ADCY2: variants seen among roughly 807,000 people sequenced by gnomAD.
The protein encoded by ADCY2 is adenylate cyclase type 2.
In ADCY2, 31 loss-of-function variants were observed where a neutral mutation model predicts 125.2. The observed-to-expected ratio is 0.25, with a 90% CI of 0.19 to 0.33. The LOEUF (loss-of-function observed/expected upper bound fraction) is 0.33. ADCY2 is among the 10% of genes least tolerant of loss of function. ADCY2 has a pLI of 1.00. For missense variants in ADCY2, 904 were observed against 1,418.2 expected, an observed-to-expected ratio of 0.64 and a Z score of 5.82; for synonymous variants, 512 against 548.4, an observed-to-expected ratio of 0.93 and a Z score of 0.93.
chr5:7,762,256 G>C (rs539192918), intron 16 of ADCY2, among the ~76,000 whole-genome samples: 3 of 152,232 alleles, frequency 2.0e-5, no homozygotes, highest in African/African-American at 7.2e-5. Context: ...TCATAAAACT[G>C]TAGGAAAGTT....
intron 22 of ADCY2, among the ~76,000 whole-genome samples, chr5:7,811,508 AAAAG>A (rs570326094): frequency 5.2e-4 from 79 of 151,126 alleles, no homozygotes; most frequent in African/African-American, 2.0e-3. Context: ...CTCAAAAAAA[AAAAG>A]AAAAAAAATC....
intron 4 of ADCY2, among the ~76,000 whole-genome samples, chr5:7,629,103 A>G (rs896244382): frequency 3.3e-5 from 5 of 152,266 alleles, no homozygotes; most frequent in Non-Finnish European, 7.3e-5. Context: ...GACCAGCCAG[A>G]AAACAGTTTC....
At chr5:7,451,258 A>T (rs1179694540) in intron 2 of ADCY2, among the ~76,000 whole-genome samples, 1 of 152,256 alleles carries the variant, frequency 6.6e-6, no homozygotes, top group Non-Finnish European at 1.5e-5. Context: ...GATGCCATTA[A>T]GAATATTCAT....
At chr5:7,719,272 T>C (rs747069938) in intron 12 of ADCY2, among the ~76,000 whole-genome samples, 8 of 152,238 alleles carry the variant, frequency 5.3e-5, no homozygotes, top group Non-Finnish European at 1.0e-4. Flanking sequence ...TGCTTAGTGC[T>C]GGTGTAACTG....
At chr5:7,818,301 C>T (rs1745181390) in intron 23 of ADCY2, among the ~76,000 whole-genome samples, 1 of 151,986 alleles carries the variant, frequency 6.6e-6, no homozygotes, top group African/African-American at 2.4e-5. Flanking sequence ...ATGTGTTTCT[C>T]CACTTGTACT....
At chr5:7,790,628 G>T (rs533779717) in intron 20 of ADCY2, among the ~76,000 whole-genome samples, 1 of 152,330 alleles carries the variant, frequency 6.6e-6, no homozygotes, top group Admixed American at 6.5e-5. Context: ...AAACGAAGAA[G>T]TGTCTGAGAC....
intron 17 of ADCY2, among the ~76,000 whole-genome samples, chr5:7,771,669 A>G (rs964897050): frequency 6.6e-6 from 1 of 152,142 alleles, no homozygotes; most frequent in Admixed American, 6.5e-5. Context: ...TTCCTTCCAC[A>G]AGAACAGGAC....
intron 1 of ADCY2, among the ~76,000 whole-genome samples, chr5:7,403,937 T>C (rs1739366305): frequency 1.4e-5 from 2 of 140,452 alleles, no homozygotes; most frequent in African/African-American, 2.6e-5. Context: ...CTTTCAATGC[T>C]ACACACACAC....
chr5:7,744,232 A>G (rs572162868), intron 15 of ADCY2, among the ~76,000 whole-genome samples: 10 of 152,064 alleles, frequency 6.6e-5, no homozygotes, highest in Admixed American at 5.9e-4. Context: ...AGGGTGGGGG[A>G]AAAGGGGAGG....
chr5:7,616,925 G>T (rs996440269), intron 3 of ADCY2, among the ~76,000 whole-genome samples: 2 of 152,110 alleles, frequency 1.3e-5, no homozygotes, highest in African/African-American at 4.8e-5. Flanking sequence ...AGACACCAGG[G>T]TTGTGTGCTC....
intron 2 of ADCY2, among the ~76,000 whole-genome samples, chr5:7,494,658 G>A (rs993359744): frequency 1.3e-5 from 2 of 152,096 alleles, no homozygotes; most frequent in Non-Finnish European, 2.9e-5. Flanking sequence ...TTTAATTAGT[G>A]TTAGTGGTTA....
At chr5:7,587,139 C>T (rs1288758485) in intron 3 of ADCY2, among the ~76,000 whole-genome samples, 1 of 152,106 alleles carries the variant, frequency 6.6e-6, no homozygotes, top group Non-Finnish European at 1.5e-5. Flanking sequence ...TGCCCAGGCC[C>T]GAAGTGCTGA....
chr5:7,552,593 A>C (rs1376593919), intron 3 of ADCY2, among the ~76,000 whole-genome samples: 2 of 152,222 alleles, frequency 1.3e-5, no homozygotes, highest in Admixed American at 6.5e-5. Flanking sequence ...TACTTGTTAA[A>C]ACTGTTCTGT....
At chr5:7,817,368 T>C (rs912064056) in intron 23 of ADCY2, among the ~76,000 whole-genome samples, 1 of 152,108 alleles carries the variant, frequency 6.6e-6, no homozygotes, top group Non-Finnish European at 1.5e-5. Flanking sequence ...ATATTTTCTT[T>C]AAAAAAGTGG....
chr5:7,633,161 T>C (rs1579257296), intron 4 of ADCY2, among the ~76,000 whole-genome samples: 1 of 151,032 alleles, frequency 6.6e-6, no homozygotes, highest in South Asian at 2.1e-4. Context: ...CAGGGCGCGG[T>C]GGCTCATGCC....
At chr5:7,766,893 T>G in intron 17 of ADCY2, 87 bp downstream of exon 17, 3 of 1,433,840 alleles carry the variant, frequency 2.1e-6, no homozygotes, top group Non-Finnish European at 2.8e-6. Context: ...CTCAGATCTG[T>G]TCTAGACTTT....
chr5:7,431,379 A>G (rs941392129), intron 2 of ADCY2, among the ~76,000 whole-genome samples: 2 of 152,228 alleles, frequency 1.3e-5, no homozygotes, highest in African/African-American at 4.8e-5. Flanking sequence ...ACCTCACACA[A>G]TGTATAAAAG....
intron 2 of ADCY2, among the ~76,000 whole-genome samples, chr5:7,488,566 T>A (rs1418358245): frequency 1.3e-5 from 2 of 152,264 alleles, no homozygotes; most frequent in East Asian, 3.9e-4. Flanking sequence ...TCCATTAAAT[T>A]TTTAACCCTC....
At chr5:7,683,668 C>T (rs868788968) in intron 4 of ADCY2, among the ~76,000 whole-genome samples, 2 of 152,292 alleles carry the variant, frequency 1.3e-5, no homozygotes, top group Middle Eastern at 3.4e-3. Context: ...CCCAGGGGGG[C>T]ATGGGAGGGA....
Sources: gnomAD v4.1 joint callset for allele counts (sites outside exome capture counted in the v4.1 genomes callset) on GRCh38, gnomAD v4.1.1 for gene constraint, MANE v1.5 for transcripts, NCBI Gene and HGNC (gene_info 2026-07-23, HGNC 2026-07-21) for gene names.